KCNA6: variants seen among roughly 807,000 people sequenced by gnomAD.
KCNA6 encodes the protein potassium voltage-gated channel subfamily A member 6, also known as human brain potassium channel-2.
A neutral mutation model predicts 29.5 loss-of-function variants in KCNA6; 17 were observed. The observed-to-expected ratio is 0.58, with a 90% CI of 0.39 to 0.86. KCNA6 has a LOEUF of 0.86. Ranked by LOEUF, KCNA6 falls within the 40% of genes least tolerant of loss-of-function variation. The probability of loss-of-function intolerance (pLI) is 0.00; values close to 1 mark genes in which losing one functional copy is unlikely to be tolerated. For missense variants in KCNA6, 450 were observed against 703.4 expected (o/e 0.64, Z 4.07); for synonymous variants, 296 against 304.7 (o/e 0.97, Z 0.30).
the KCNA6 span, among the ~76,000 whole-genome samples, chr12:4,824,683 C>T: frequency 6.6e-6 from 1 of 152,152 alleles, no homozygotes; most frequent in East Asian, 1.9e-4. Context: ...ACTTGGCTGA[C>T]CTGTGGGCTG....
chr12:4,814,216 G>A (rs1946660047), downstream of KCNA6: 1 of 167,106 alleles, frequency 6.0e-6, no homozygotes. This position sits in a 1 kb window ranked among gnomAD's most constrained non-coding sequence, Gnocchi z 4.6. Context: ...AAATTTGAAT[G>A]TTAAGCAACC....
chr12:4,846,663 C>G, the KCNA6 span, among the ~76,000 whole-genome samples: 1 of 152,038 alleles, frequency 6.6e-6, no homozygotes, highest in Non-Finnish European at 1.5e-5. Context: ...CATGCAAATG[C>G]ACCAGGCTCT....
chr12:4,850,986 G>T, the KCNA6 span: 5 of 346,772 alleles, frequency 1.4e-5, no homozygotes, highest in South Asian at 1.1e-4. The surrounding 1 kb of genome is among the most constrained non-coding windows in gnomAD (Gnocchi z 5.4). Context: ...GAAAGCTGGT[G>T]GTGTGAGCAA....
chr12:4,826,178 C>T, the KCNA6 span, among the ~76,000 whole-genome samples: 1 of 152,196 alleles, frequency 6.6e-6, no homozygotes, highest in South Asian at 2.1e-4. Flanking sequence ...TCCTCTGGTG[C>T]TTGGATTTCA....
At chr12:4,815,916 A>G (rs1269440679), downstream of KCNA6, among the ~76,000 whole-genome samples, 1 of 152,236 alleles carries the variant, frequency 6.6e-6, no homozygotes. Flanking sequence ...ATGGGGTTGA[A>G]GGTTGTGCTA....
chr12:4,845,984 G>GGTT, the KCNA6 span, among the ~76,000 whole-genome samples: 269 of 129,462 alleles, frequency 2.1e-3, 1 homozygote, highest in African/African-American at 7.6e-3. Context: ...GAATTTTAGA[G>GGTT]TTTTTTTTTT....
the KCNA6 span, among the ~76,000 whole-genome samples, chr12:4,845,503 G>A: frequency 1.4e-4 from 22 of 152,290 alleles, no homozygotes; most frequent in African/African-American, 5.3e-4. Flanking sequence ...GCATTGTTGT[G>A]GAGGTGTTGG....
chr12:4,847,549 G>T, the KCNA6 span, among the ~76,000 whole-genome samples: 1 of 151,988 alleles, frequency 6.6e-6, no homozygotes, highest in South Asian at 2.1e-4. Flanking sequence ...AATTTCCAAA[G>T]AATTATTTCC....
chr12:4,825,526 T>C, the KCNA6 span, among the ~76,000 whole-genome samples: 1 of 152,218 alleles, frequency 6.6e-6, no homozygotes, highest in Non-Finnish European at 1.5e-5. Context: ...CGAAGAGATC[T>C]GAAGCTTGTT....
chr12:4,826,353 T>G, the KCNA6 span, among the ~76,000 whole-genome samples: 4 of 152,350 alleles, frequency 2.6e-5, no homozygotes, highest in Middle Eastern at 6.8e-3. Flanking sequence ...CTGAAATTCC[T>G]TCTTCCATGG....
In KCNA6 at chr12:4,810,823, AC is replaced by A. The variant is rs1278380898; in HGVS notation, c.786del (p.Phe263SerfsTer34). ...ACTCTTGGGGGCTCCTTCTTTACAG[AC>A]CCCTTCTTTCTGGTGGAGACGCTGT... On this transcript the variant is annotated frameshift_variant, in exon 1 of 1. Transcript: ENST00000280684. LOFTEE classifies it high-confidence loss of function. The surrounding 1 kb of genome is among the most constrained non-coding windows in gnomAD (Gnocchi z 7.5). 6.3e-7 allele frequency: 1 copy of A among 1,594,274 alleles called. No individual in the cohort carries two copies. Among genetic ancestry groups the A allele is most frequent in the Non-Finnish European group, 8.5e-7 (1 of 1,170,720 alleles).
At chr12:4,821,798 A>G in the KCNA6 span, among the ~76,000 whole-genome samples, 1 of 152,108 alleles carries the variant, frequency 6.6e-6, no homozygotes, top group East Asian at 1.9e-4. Context: ...CCCAGTGCCC[A>G]TCGCTTCTTA....
At chr12:4,849,257 T>A in the KCNA6 span, among the ~76,000 whole-genome samples, 4 of 152,114 alleles carry the variant, frequency 2.6e-5, no homozygotes, top group African/African-American at 9.7e-5. Flanking sequence ...AGCAGGAGAA[T>A]TGAGTCTAAT....
Position 4,810,028 on chromosome 12 carries a change from A to C in KCNA6, c.-14A>C, listed in dbSNP as rs1591588215. 6.7e-7 allele frequency: 1 copy of C among 1,483,412 alleles called. No homozygotes were observed. The highest frequency in any genetic ancestry group is 8.9e-7 in the Non-Finnish European group (1 of 1,124,422). 91.9% of individuals were successfully genotyped at this position (1,483,412 alleles called of 1,614,324 possible). ...GCGCCGTCCTAGTGGCGGGGAGCGC[A>C]CCTCCGAGGGGGCATGAGATCGGAG... On this transcript the variant is annotated 5_prime_UTR_variant, in exon 1 of 1. Coordinates refer to ENST00000280684, the Ensembl canonical transcript of KCNA6. This position sits in a 1 kb window ranked among gnomAD's most constrained non-coding sequence, Gnocchi z 7.5.
chr12:4,833,889 T>C, the KCNA6 span, among the ~76,000 whole-genome samples: 2 of 151,534 alleles, frequency 1.3e-5, no homozygotes, highest in South Asian at 4.2e-4. Context: ...GTCTTCTTCT[T>C]CTTCTCCTTC....
the KCNA6 span, among the ~76,000 whole-genome samples, chr12:4,826,997 C>G: frequency 1.3e-5 from 2 of 152,108 alleles, no homozygotes; most frequent in Non-Finnish European, 2.9e-5. Flanking sequence ...CTTTCTGCCT[C>G]TATTCCTTCC....
At chr12:4,825,652 A>C in the KCNA6 span, among the ~76,000 whole-genome samples, 6 of 152,344 alleles carry the variant, frequency 3.9e-5, no homozygotes, top group South Asian at 8.3e-4. Flanking sequence ...GTTGTTCAGA[A>C]ACGGAAGTGG....
At chr12:4,847,069 C>A in the KCNA6 span, among the ~76,000 whole-genome samples, 1 of 152,000 alleles carries the variant, frequency 6.6e-6, no homozygotes, top group Non-Finnish European at 1.5e-5. Context: ...CAGACGTGAG[C>A]CACCACGCCC....
At chr12:4,840,663 A>G in the KCNA6 span, among the ~76,000 whole-genome samples, 7 of 152,246 alleles carry the variant, frequency 4.6e-5, no homozygotes, top group Non-Finnish European at 8.8e-5. Context: ...CCTAACTCCA[A>G]TGAGACTGAG....
Sources: allele counts gnomAD v4.1 joint callset (sites outside exome capture counted in the v4.1 genomes callset), GRCh38; gene constraint gnomAD v4.1.1; non-coding constraint Gnocchi (gnomAD v3.1); transcripts MANE v1.5; gene names NCBI Gene and HGNC (gene_info 2026-07-23, HGNC 2026-07-21).